The following STXBP5L variants were observed in gnomAD, a reference collection of about 807,000 sequenced individuals.
STXBP5L encodes syntaxin-binding protein 5-like.
Under a neutral mutation model 144.5 loss-of-function variants are expected in STXBP5L, and 65 were observed. The ratio of observed to expected loss-of-function variants is 0.45; its 90% CI spans 0.37 to 0.55. The LOEUF (loss-of-function observed/expected upper bound fraction) is 0.55. Ranked by LOEUF, STXBP5L falls within the 20% of genes least tolerant of loss-of-function variation. STXBP5L has a pLI of 0.00. For synonymous variants in STXBP5L, 505 were observed against 469.6 expected, an observed-to-expected ratio of 1.08 and a Z score of -0.97; for missense variants, 1,298 against 1,405.5, an observed-to-expected ratio of 0.92 and a Z score of 1.22.
At chr3:121,391,175 A>C (rs572456506) in intron 22 of STXBP5L, among the ~76,000 whole-genome samples, 4 of 152,010 alleles carry the variant, frequency 2.6e-5, no homozygotes, top group Non-Finnish European at 5.9e-5. Context: ...CCCTTGATTG[A>C]ATCTACTATT....
intron 11 of STXBP5L, among the ~76,000 whole-genome samples, chr3:121,225,217 G>A (rs919926459): frequency 1.3e-5 from 2 of 151,998 alleles, no homozygotes; most frequent in Admixed American, 1.3e-4. Flanking sequence ...TCCTTCATTA[G>A]AGGATTATTC....
intron 12 of STXBP5L, among the ~76,000 whole-genome samples, chr3:121,235,010 A>G (rs910564491): frequency 1.3e-5 from 2 of 149,422 alleles, no homozygotes; most frequent in African/African-American, 4.9e-5. Flanking sequence ...ATATTTTTTT[A>G]TTTAAATTTT....
chr3:121,312,444 ATCT>A (rs1215278396), intron 19 of STXBP5L, among the ~76,000 whole-genome samples: 1 of 31,956 alleles, frequency 3.1e-5, no homozygotes, highest in African/African-American at 1.3e-4. Context: ...AGGTATGTCA[ATCT>A]TTTTTTTTTT....
intron 19 of STXBP5L, among the ~76,000 whole-genome samples, chr3:121,291,110 G>C (rs770525643): frequency 1.3e-5 from 2 of 152,056 alleles, no homozygotes; most frequent in Non-Finnish European, 2.9e-5. Context: ...AAATCCAACT[G>C]TCACTATTTG....
Position 120,955,565 on chromosome 3 carries a change from T to C in STXBP5L, c.287+528T>C, listed in dbSNP as rs375064657. 2.4e-4 allele frequency among the ~76,000 whole-genome samples: 36 copies of C among 152,154 alleles called. No individual in the cohort carries two copies. The East Asian group carries it at 6.4e-3, about 27-fold the overall frequency. On this transcript the variant is annotated intron_variant, in intron 3 of 26. Transcript: ENST00000471454. The stretch of plus-strand genomic sequence containing the variant: ...CAAATTCTACTTTAGTGTCATCTTG[T>C]TTTTTAAAATTAAACTTTTTGAGAT...
intron 16 of STXBP5L, 117 bp from the exon 17 acceptor site, chr3:121,257,044 A>T: frequency 1.3e-6 from 1 of 763,324 alleles, no homozygotes; most frequent in East Asian, 2.7e-5. Context: ...AAACTGTGTG[A>T]ATGATTCCTA....
chr3:121,355,147 A>C (rs933268142), intron 20 of STXBP5L, among the ~76,000 whole-genome samples: 2 of 152,140 alleles, frequency 1.3e-5, no homozygotes, highest in African/African-American at 4.8e-5. Flanking sequence ...ACTTTGGTGA[A>C]TCTGACAATT....
chr3:121,091,241 A>G (rs74843729), intron 5 of STXBP5L, among the ~76,000 whole-genome samples: 66,461 of 145,654 alleles, frequency 0.46, 18,081 homozygotes, highest in Admixed American at 0.5. Context: ...ATAAGCATAC[A>G]TGTGCATGTG....
chr3:120,940,735 T>C (rs1459718855), intron 2 of STXBP5L, among the ~76,000 whole-genome samples: 1 of 151,828 alleles, frequency 6.6e-6, no homozygotes, highest in African/African-American at 2.4e-5. Context: ...ATAAAGATGA[T>C]AGGATTGGAT....
chr3:121,357,849 G>T (rs2045578646), intron 20 of STXBP5L: 1 of 152,146 alleles, frequency 6.6e-6, no homozygotes, highest in African/African-American at 2.4e-5. Flanking sequence ...ATACAAAAGA[G>T]CCACAACCAC....
chr3:121,187,975 A>T (rs1365087159), intron 9 of STXBP5L, among the ~76,000 whole-genome samples: 1 of 152,228 alleles, frequency 6.6e-6, no homozygotes, highest in African/African-American at 2.4e-5. Context: ...CACTGAAAGA[A>T]GAAGAGCTAA....
At chr3:121,300,220 A>G (rs1275055451) in intron 19 of STXBP5L, among the ~76,000 whole-genome samples, 1 of 152,152 alleles carries the variant, frequency 6.6e-6, no homozygotes, top group Non-Finnish European at 1.5e-5. Context: ...TTCTATATCT[A>G]GCAAAAATAT....
intron 19 of STXBP5L, among the ~76,000 whole-genome samples, chr3:121,294,264 T>C (rs1377662601): frequency 6.6e-6 from 1 of 152,188 alleles, no homozygotes; most frequent in African/African-American, 2.4e-5. Context: ...ATCATTAGCA[T>C]TTACAGAGCT....
At chr3:121,340,238 GA>G (rs2044658933) in intron 20 of STXBP5L, among the ~76,000 whole-genome samples, 1 of 152,016 alleles carries the variant, frequency 6.6e-6, no homozygotes, top group African/African-American at 2.4e-5. Context: ...AGAGGATCCA[GA>G]AATACAGCCA....
intron 3 of STXBP5L, among the ~76,000 whole-genome samples, chr3:120,987,961 A>C (rs1190421048): frequency 6.6e-6 from 1 of 151,848 alleles, no homozygotes; most frequent in East Asian, 1.9e-4. Flanking sequence ...TGATATTCCA[A>C]ATTTAATTTA....
At chr3:121,146,816 A>G (rs1412075559) in intron 7 of STXBP5L, among the ~76,000 whole-genome samples, 1 of 152,114 alleles carries the variant, frequency 6.6e-6, no homozygotes. Flanking sequence ...TAATGATGAC[A>G]TAGATTTATA....
chr3:121,029,614 G>A (rs1321732545), intron 3 of STXBP5L, among the ~76,000 whole-genome samples: 5 of 152,128 alleles, frequency 3.3e-5, no homozygotes, highest in Non-Finnish European at 5.9e-5. Context: ...TCAGGACATA[G>A]GCATGGGCAA....
At chr3:121,328,728 T>C (rs967456524) in intron 20 of STXBP5L, among the ~76,000 whole-genome samples, 1 of 151,828 alleles carries the variant, frequency 6.6e-6, no homozygotes, top group African/African-American at 2.4e-5. Flanking sequence ...CCAGCATGGG[T>C]GCTAGAGCAA....
At chr3:121,151,156 A>T (rs75338033) in intron 7 of STXBP5L, among the ~76,000 whole-genome samples, 18,284 of 152,138 alleles carry the variant, frequency 0.12, 1,154 homozygotes, top group Non-Finnish European at 0.14. Context: ...GTATGTAAAA[A>T]AAATCAATTT....
Sources: gnomAD v4.1 joint callset for allele counts (sites outside exome capture counted in the v4.1 genomes callset) on GRCh38, gnomAD v4.1.1 for gene constraint, MANE v1.5 for transcripts, NCBI Gene and HGNC (gene_info 2026-07-23, HGNC 2026-07-21) for gene names.